TRPM3: variants seen among roughly 807,000 people sequenced by gnomAD.
TRPM3 encodes the protein transient receptor potential cation channel subfamily M member 3.
Under a neutral mutation model 181.2 loss-of-function variants are expected in TRPM3, and 77 were observed. The observed-to-expected ratio is 0.42, with a 90% CI of 0.35 to 0.51. The LOEUF (loss-of-function observed/expected upper bound fraction) is 0.51, where lower values mean the gene tolerates loss of function less well. Ranked by LOEUF, TRPM3 falls within the 20% of genes least tolerant of loss-of-function variation. The probability of loss-of-function intolerance (pLI) is 0.01; values close to 1 mark genes in which losing one functional copy is unlikely to be tolerated. For synonymous variants in TRPM3, 745 were observed against 796.4 expected (o/e 0.94, Z 1.09); for missense variants, 1,759 against 2,196.7 (o/e 0.80, Z 3.98).
intron 1 of TRPM3, among the ~76,000 whole-genome samples, chr9:70,969,864 C>T (rs1272171925): frequency 6.6e-6 from 1 of 151,084 alleles, no homozygotes; most frequent in Non-Finnish European, 1.5e-5. Context: ...TGAATGGTAA[C>T]TCTTATTACC....
At chr9:71,275,518 G>A (rs57728903) in intron 1 of TRPM3, among the ~76,000 whole-genome samples, 6,594 of 152,112 alleles carry the variant, frequency 0.043, 480 homozygotes, top group African/African-American at 0.15. Context: ...GTATGTGTGC[G>A]TGTGTGTGTA....
At chr9:70,569,815 G>A (rs897419417) in intron 22 of TRPM3, among the ~76,000 whole-genome samples, 1 of 152,120 alleles carries the variant, frequency 6.6e-6, no homozygotes, top group African/African-American at 2.4e-5. Context: ...CTTCCTTGCA[G>A]TGTTCTTTTC....
At chr9:70,808,573 C>A (rs532749814) in intron 6 of TRPM3, among the ~76,000 whole-genome samples, 1 of 152,164 alleles carries the variant, frequency 6.6e-6, no homozygotes, top group Non-Finnish European at 1.5e-5. Flanking sequence ...TTTTCATTAA[C>A]AAGCATGACA....
intron 1 of TRPM3, among the ~76,000 whole-genome samples, chr9:70,951,290 G>C (rs2096996123): frequency 1.3e-5 from 2 of 152,130 alleles, no homozygotes; most frequent in Non-Finnish European, 2.9e-5. Flanking sequence ...TACATTGCTA[G>C]CTCTCCCTCA....
At chr9:70,954,488 T>C (rs935802503) in intron 1 of TRPM3, among the ~76,000 whole-genome samples, 6 of 152,184 alleles carry the variant, frequency 3.9e-5, no homozygotes, top group African/African-American at 1.4e-4. Context: ...TTTATAGTAT[T>C]AACATCAGTG....
intron 1 of TRPM3, among the ~76,000 whole-genome samples, chr9:70,965,857 G>A (rs181716286): frequency 1.3e-4 from 20 of 151,898 alleles, no homozygotes; most frequent in Non-Finnish European, 2.7e-4. Context: ...GATAGTACCA[G>A]TAGGAATGGC....
Position 70,590,382 on chromosome 9 carries a change from C to T in TRPM3, c.3223+649G>A, listed in dbSNP as rs915644444. Among the ~76,000 whole-genome samples the T allele has an allele frequency of 1.3e-4, 20 of 152,262 alleles. No individual in the cohort carries two copies. The South Asian group carries it at 2.3e-3, about 17-fold the overall frequency. Reference sequence around the variant, plus strand: ...CTGGCATTCACTCCCCACACTGAATCGTTTCATAATATAGATACTATTTTC... The same window carrying T: ...CTGGCATTCACTCCCCACACTGAATTGTTTCATAATATAGATACTATTTTC... On this transcript the variant is annotated intron_variant, in intron 22 of 25. Coordinates refer to ENST00000677713, the MANE Select transcript of TRPM3 (RefSeq NM_001366145.2).
At chr9:71,289,866 ACT>A (rs2085635733) in intron 1 of TRPM3, among the ~76,000 whole-genome samples, 1 of 107,072 alleles carries the variant, frequency 9.3e-6, no homozygotes. Flanking sequence ...ACAGAGCAAG[ACT>A]CTGTCTCAAA....
At chr9:70,562,131 G>C (rs891626818) in intron 22 of TRPM3, among the ~76,000 whole-genome samples, 1 of 152,260 alleles carries the variant, frequency 6.6e-6, no homozygotes, top group Admixed American at 6.5e-5. Flanking sequence ...TAAAAAATGA[G>C]CCAATTTAAC....
At chr9:70,868,833 C>T (rs372658476) in intron 1 of TRPM3, among the ~76,000 whole-genome samples, 1 of 152,056 alleles carries the variant, frequency 6.6e-6, no homozygotes. Flanking sequence ...TTCATCAGAA[C>T]AAACATCCCC....
At chr9:70,757,106 A>G (rs961920679) in intron 8 of TRPM3, among the ~76,000 whole-genome samples, 6 of 152,234 alleles carry the variant, frequency 3.9e-5, no homozygotes, top group Non-Finnish European at 8.8e-5. Flanking sequence ...ATAAAGAAGA[A>G]AAGAGAGAAG....
intron 22 of TRPM3, among the ~76,000 whole-genome samples, chr9:70,554,497 A>G (rs2047187191): frequency 6.6e-6 from 1 of 152,152 alleles, no homozygotes; most frequent in African/African-American, 2.4e-5. Context: ...TTCCGTTGCT[A>G]GGCTGCACAT....
intron 1 of TRPM3, among the ~76,000 whole-genome samples, chr9:71,091,072 G>A (rs894393796): frequency 2.0e-5 from 3 of 151,848 alleles, no homozygotes; most frequent in Non-Finnish European, 4.4e-5. Flanking sequence ...AATGTTGCTG[G>A]GGTCAGGAGC....
At chr9:71,328,080 AC>A (rs1366167190) in intron 1 of TRPM3, among the ~76,000 whole-genome samples, 18 of 150,536 alleles carry the variant, frequency 1.2e-4, no homozygotes, top group African/African-American at 4.4e-4. Context: ...AAAAAAAAAA[AC>A]AAAAAAAAAA....
intron 6 of TRPM3, among the ~76,000 whole-genome samples, chr9:70,805,183 A>T (rs1184582827): frequency 8.1e-6 from 1 of 123,684 alleles, no homozygotes; most frequent in Non-Finnish European, 1.6e-5. Flanking sequence ...GGGAGAAGAG[A>T]GGCAGAGGAA....
At chr9:70,805,790 A>G (rs1028703786) in intron 6 of TRPM3, among the ~76,000 whole-genome samples, 4 of 152,336 alleles carry the variant, frequency 2.6e-5, no homozygotes, top group African/African-American at 9.6e-5. Flanking sequence ...TAGAAAGATG[A>G]AGTGAACTTT....
chr9:70,876,023 G>T (rs769923271), intron 1 of TRPM3, among the ~76,000 whole-genome samples: 4 of 151,762 alleles, frequency 2.6e-5, no homozygotes, highest in Admixed American at 1.3e-4. Flanking sequence ...ATCCTCAACT[G>T]CTCCAAATAA....
intron 1 of TRPM3, among the ~76,000 whole-genome samples, chr9:71,128,525 T>C (rs967616501): frequency 1.3e-5 from 2 of 152,210 alleles, no homozygotes; most frequent in Non-Finnish European, 2.9e-5. Flanking sequence ...TTCACTCTTC[T>C]AATATTTGCA....
intron 1 of TRPM3, among the ~76,000 whole-genome samples, chr9:71,338,339 C>T (rs2090717641): frequency 1.3e-5 from 2 of 152,086 alleles, no homozygotes; most frequent in South Asian, 2.1e-4. Flanking sequence ...GCTGGAATAA[C>T]GTTCAACGCT....
Sources: allele counts gnomAD v4.1 joint callset (sites outside exome capture counted in the v4.1 genomes callset), GRCh38; gene constraint gnomAD v4.1.1; transcripts MANE v1.5; gene names NCBI Gene and HGNC (gene_info 2026-07-23, HGNC 2026-07-21).